The following COL24A1 variants were observed in gnomAD, a reference collection of about 807,000 sequenced individuals.
COL24A1 encodes collagen type XXIV alpha 1 chain.
A neutral mutation model predicts 253.9 loss-of-function variants in COL24A1; 224 were observed. The observed-to-expected ratio is 0.88, with a 90% confidence interval of 0.79 to 0.99. The LOEUF is 0.99. Among genes scored for constraint, COL24A1 ranks in the 50% least tolerant of loss-of-function variants. The probability of loss-of-function intolerance (pLI) is 0.00; values close to 1 mark genes in which losing one functional copy is unlikely to be tolerated. For synonymous variants in COL24A1, 685 were observed against 673.7 expected, an observed-to-expected ratio of 1.02 and a Z score of -0.26; for missense variants, 2,131 against 2,068.5, an observed-to-expected ratio of 1.03 and a Z score of -0.59.
chr1:86,015,815 A>AT (rs1696932805), intron 19 of COL24A1, among the ~76,000 whole-genome samples: 1 of 151,102 alleles, frequency 6.6e-6, no homozygotes, highest in African/African-American at 2.4e-5. Flanking sequence ...ATACTACTGT[A>AT]TTTTACTTCC....
chr1:85,874,886 G>A lies in COL24A1; in HGVS notation c.3085-184C>T, dbSNP rs12026149. Among the ~76,000 whole-genome samples the A allele has an allele frequency of 7.9e-5, 12 of 152,348 alleles. No individual in the cohort carries two copies. In the East Asian group the frequency reaches 1.9e-3, roughly 24 times the overall value. On this transcript the variant is annotated intron_variant, in intron 34 of 59. Coordinates refer to ENST00000370571, the MANE Select transcript of COL24A1 (RefSeq NM_152890.7). ...CTGGTGAGCCAGCATTACTGTCTGA[G>A]CTCCACCTCCTGTCAGATCAGTGGC...
intron 5 of COL24A1, among the ~76,000 whole-genome samples, chr1:86,097,484 CT>C: frequency 1.8e-5 from 1 of 55,110 alleles, no homozygotes; most frequent in African/African-American, 7.0e-5. Flanking sequence ...CTCCCTCCTC[CT>C]CCTCCCTCCT....
At position 86,108,819 on chromosome 1, in the gene COL24A1, AG is replaced by A. The variant is rs1182963847; in HGVS notation, c.1599+3747del. Among the ~76,000 whole-genome samples, 3 of 151,412 alleles carry A rather than the reference AG, an allele frequency of 2.0e-5. No homozygotes were observed. The East Asian group carries it at 5.8e-4, about 29-fold the overall frequency. On this transcript the variant is annotated intron_variant, in intron 5 of 59. Coordinates refer to ENST00000370571, the MANE Select transcript of COL24A1 (RefSeq NM_152890.7). ...CAAAATTCCGTCTCAAAAAAAAAAA[AG>A]GATTCTCTAAAGGGAGAGTAAATTG...
At chr1:85,860,973 T>A (rs537321145) in intron 37 of COL24A1, among the ~76,000 whole-genome samples, 1 of 152,226 alleles carries the variant, frequency 6.6e-6, no homozygotes, top group Admixed American at 6.5e-5. Context: ...TGAAAATTCA[T>A]GTACAAGCTT....
chr1:86,109,555 A>G (rs1284865548), intron 5 of COL24A1, among the ~76,000 whole-genome samples: 1 of 152,240 alleles, frequency 6.6e-6, no homozygotes. Flanking sequence ...ATTCAAATTG[A>G]AAGAGTTAAG....
At chr1:86,150,047 CT>C (rs992645909) in intron 1 of COL24A1, among the ~76,000 whole-genome samples, 4 of 152,172 alleles carry the variant, frequency 2.6e-5, no homozygotes, top group African/African-American at 9.7e-5. Context: ...CCCACTACCC[CT>C]GATATCTCCA....
intron 43 of COL24A1, among the ~76,000 whole-genome samples, chr1:85,835,763 A>G (rs1397801162): frequency 2.6e-5 from 4 of 152,160 alleles, no homozygotes; most frequent in Non-Finnish European, 5.9e-5. Context: ...GTGACTGCCT[A>G]ATGAGTATGG....
chr1:85,767,193 G>A (rs1667473753), intron 53 of COL24A1, among the ~76,000 whole-genome samples: 1 of 151,972 alleles, frequency 6.6e-6, no homozygotes, highest in Non-Finnish European at 1.5e-5. Flanking sequence ...AAAGACTTAA[G>A]TCTCTTACTT....
At chr1:85,852,348 G>A (rs1221846840) in intron 37 of COL24A1, among the ~76,000 whole-genome samples, 1 of 152,058 alleles carries the variant, frequency 6.6e-6, no homozygotes, top group Non-Finnish European at 1.5e-5. Flanking sequence ...AATTACTCTA[G>A]CTTCAATAAT....
At chr1:85,997,047 G>GTGTGTA (rs1694869835) in intron 19 of COL24A1, among the ~76,000 whole-genome samples, 1 of 73,132 alleles carries the variant, frequency 1.4e-5, no homozygotes, top group African/African-American at 4.1e-5. Context: ...ATATATGTGT[G>GTGTGTA]TGTGTGTGTA....
At chr1:85,746,889 T>C (rs925138152) in intron 55 of COL24A1, among the ~76,000 whole-genome samples, 2 of 152,082 alleles carry the variant, frequency 1.3e-5, no homozygotes, top group African/African-American at 2.4e-5. Context: ...CACAAAAATA[T>C]TGGCACTAAA....
intron 52 of COL24A1, among the ~76,000 whole-genome samples, chr1:85,776,583 C>A (rs1282078978): frequency 6.6e-6 from 1 of 151,826 alleles, no homozygotes; most frequent in Non-Finnish European, 1.5e-5. Context: ...AATATACATT[C>A]TTTTAGATAA....
Position 85,909,894 on chromosome 1 carries a change from G to T in COL24A1, c.2670+56C>A. The T allele has an allele frequency of 2.1e-6, 3 of 1,407,938 alleles. No homozygotes were observed. In the South Asian group the frequency reaches 3.5e-5, roughly 16 times the overall value. 87.2% of individuals were successfully genotyped at this position (1,407,938 alleles called of 1,614,324 possible). A position where few individuals can be genotyped will look rare whatever the true frequency, so the allele number is the denominator to read the frequency against. On this transcript the variant is annotated intron_variant, in intron 26 of 59. Transcript: ENST00000370571. ...GCCCAGGCAATTCCATCTCTGGAAC[G>T]ACTTGCTTTTATTGCATTCTTTGGA...
At position 85,825,610 on chromosome 1, in the gene COL24A1, G is replaced by A. The variant is rs59224701; in HGVS notation, c.3682-1872C>T. Among the ~76,000 whole-genome samples the A allele has an allele frequency of 9.6e-3, 1,452 of 150,574 alleles. 26 individuals carry two copies. Among genetic ancestry groups the A allele is most frequent in the African/African-American group, 0.034 (1,374 of 40,744 alleles). On this transcript the variant is annotated intron_variant, in intron 43 of 59. Transcript: ENST00000370571. ...GTTGTTTCCTGACTTTTTAATGATT[G>A]CCATTCTAACTGGTGTGAGATGGTA...
chr1:86,086,175 A>G (rs944257942), intron 7 of COL24A1, among the ~76,000 whole-genome samples: 4 of 152,184 alleles, frequency 2.6e-5, no homozygotes, highest in African/African-American at 4.8e-5. Context: ...ATCCAAAACT[A>G]TATTTGTTTC....
chr1:86,135,190 T>C (rs1650028830), intron 2 of COL24A1, among the ~76,000 whole-genome samples: 3 of 152,066 alleles, frequency 2.0e-5, no homozygotes, highest in Non-Finnish European at 4.4e-5. Flanking sequence ...TTTTTTGTTT[T>C]CCATTTGCTT....
intron 24 of COL24A1, among the ~76,000 whole-genome samples, chr1:85,939,017 T>G (rs886270329): frequency 6.6e-6 from 1 of 151,834 alleles, no homozygotes; most frequent in African/African-American, 2.4e-5. Flanking sequence ...TGTAGCGAAA[T>G]GCCATCTCAG....
intron 46 of COL24A1, 79 bp downstream of exon 46, chr1:85,817,955 G>T: frequency 9.0e-7 from 1 of 1,115,958 alleles, no homozygotes; most frequent in Non-Finnish European, 1.4e-6. Flanking sequence ...TGACACAATT[G>T]GCCCCAAACT....
rs759049094 is a variant in COL24A1, at chr1:85,784,241, T to C, written c.4167+18A>G. The C allele has an allele frequency of 1.9e-6, 3 of 1,612,714 alleles. No homozygotes were observed. In the African/African-American group the frequency reaches 4.0e-5, roughly 22 times the overall value. ...TCTGTAGAATAAATGCTTGGTGAAT[T>C]TCTGAGGTGGTACATACAGGCTGCC... On this transcript the variant is annotated intron_variant, in intron 49 of 59. Coordinates refer to ENST00000370571, the MANE Select transcript of COL24A1 (RefSeq NM_152890.7).
Sources: allele counts gnomAD v4.1 joint callset (sites outside exome capture counted in the v4.1 genomes callset), GRCh38; gene constraint gnomAD v4.1.1; transcripts MANE v1.5; gene names NCBI Gene and HGNC (gene_info 2026-07-23, HGNC 2026-07-21).